Variants in TWIST2 observed in about 807,000 individuals in gnomAD.
TWIST2 encodes twist-related protein 2.
Under a neutral mutation model 11.6 loss-of-function variants are expected in TWIST2, and 1 was observed. That is an observed-to-expected ratio of 0.09 (90% CI 0.03 to 0.41). The LOEUF (loss-of-function observed/expected upper bound fraction) is 0.41, where lower values mean the gene tolerates loss of function less well. Ranked by LOEUF, TWIST2 falls within the 10% of genes least tolerant of loss-of-function variation. The pLI is 0.98. For synonymous variants in TWIST2, 87 were observed against 96.6 expected (o/e 0.90, Z 0.58); for missense variants, 168 against 226.4 (o/e 0.74, Z 1.66).
intron 1 of TWIST2, among the ~76,000 whole-genome samples, chr2:238,899,962 C>CAAAGAAAG (rs878951591): frequency 1.8e-4 from 28 of 151,688 alleles, no homozygotes; most frequent in Admixed American, 6.6e-4. Context: ...AAAGTCTTTA[C>CAAAGAAAG]AAAGAAAGAA....
Position 238,873,081 on chromosome 2 carries a change from G to A in TWIST2, c.*35+24348G>A, listed in dbSNP as rs138270361. Among the ~76,000 whole-genome samples the A allele has an allele frequency of 2.2e-4, 34 of 152,318 alleles. 1 individual carries two copies. The East Asian group carries it at 6.4e-3, about 29-fold the overall frequency. ...ACAGCCATTCATAACACTGCATGTA[G>A]CTGTTGTACAACAATGGTTAGCAAA... On this transcript the variant is annotated intron_variant, in intron 1 of 1. Coordinates refer to ENST00000612363, the MANE Select transcript of TWIST2 (RefSeq NM_001271893.4).
chr2:238,882,991 C>T (rs546658073), intron 1 of TWIST2, among the ~76,000 whole-genome samples: 1 of 152,234 alleles, frequency 6.6e-6, no homozygotes, highest in South Asian at 2.1e-4. Flanking sequence ...TTGAGGGCAG[C>T]TCTTGACATC....
At chr2:238,868,546 A>G (rs554403347) in intron 1 of TWIST2, among the ~76,000 whole-genome samples, 35 of 152,274 alleles carry the variant, frequency 2.3e-4, no homozygotes, top group South Asian at 1.0e-3. Context: ...ACATCATTCT[A>G]TGGGACCACA....
intron 1 of TWIST2, among the ~76,000 whole-genome samples, chr2:238,868,320 C>T (rs140413760): frequency 0.021 from 3,208 of 152,264 alleles, 95 homozygotes; most frequent in African/African-American, 0.073. Flanking sequence ...GTGCCGGGAG[C>T]CCCCCGCCCC....
intron 1 of TWIST2, among the ~76,000 whole-genome samples, chr2:238,879,141 T>C (rs544585118): frequency 7.2e-5 from 11 of 152,328 alleles, no homozygotes; most frequent in African/African-American, 2.6e-4. Context: ...CCTGGCTCTG[T>C]CCCCTCTGAG....
intron 1 of TWIST2, among the ~76,000 whole-genome samples, chr2:238,880,288 T>G (rs1194121464): frequency 6.7e-6 from 1 of 150,180 alleles, no homozygotes; most frequent in African/African-American, 2.5e-5. Flanking sequence ...TATTTATTAG[T>G]GTTAGTGTTA....
intron 1 of TWIST2, among the ~76,000 whole-genome samples, chr2:238,880,792 AGT>A (rs1405308731): frequency 8.1e-6 from 1 of 123,416 alleles, no homozygotes; most frequent in East Asian, 2.8e-4. Flanking sequence ...TATTAGTGTT[AGT>A]GTTAGTATTT....
intron 1 of TWIST2, among the ~76,000 whole-genome samples, chr2:238,909,289 A>G (rs1176631071): frequency 1.3e-5 from 2 of 151,414 alleles, no homozygotes; most frequent in Admixed American, 6.6e-5. Context: ...TTGTCTTTGC[A>G]ACTTCCCGTG....
At chr2:238,856,421 T>A (rs1262524920) in intron 1 of TWIST2, among the ~76,000 whole-genome samples, 1 of 152,194 alleles carries the variant, frequency 6.6e-6, no homozygotes, top group Non-Finnish European at 1.5e-5. Context: ...TTACTACAGT[T>A]CACAAGTGAA....
chr2:238,854,806 A>G (rs1460024036), intron 1 of TWIST2, among the ~76,000 whole-genome samples: 1 of 152,208 alleles, frequency 6.6e-6, no homozygotes, highest in African/African-American at 2.4e-5. Context: ...AGCACAGGCC[A>G]GTCATGTACA....
intron 1 of TWIST2, among the ~76,000 whole-genome samples, chr2:238,853,184 A>G (rs1692271550): frequency 6.6e-6 from 1 of 152,216 alleles, no homozygotes; most frequent in Non-Finnish European, 1.5e-5. Flanking sequence ...AAATTTTGGG[A>G]AATATCTACC....
chr2:238,895,286 C>T (rs1247936507), intron 1 of TWIST2, among the ~76,000 whole-genome samples: 5 of 152,352 alleles, frequency 3.3e-5, no homozygotes, highest in South Asian at 2.1e-4. Flanking sequence ...AGATTCTGCA[C>T]CCACTTGGTG....
At chr2:238,857,576 G>T (rs569029401) in intron 1 of TWIST2, among the ~76,000 whole-genome samples, 1 of 151,892 alleles carries the variant, frequency 6.6e-6, no homozygotes, top group African/African-American at 2.4e-5. Flanking sequence ...GAAGCCAAAC[G>T]ACCATCTTGT....
intron 1 of TWIST2, among the ~76,000 whole-genome samples, chr2:238,885,221 C>T (rs182995695): frequency 3.3e-5 from 5 of 151,858 alleles, no homozygotes; most frequent in East Asian, 4.0e-4. Context: ...CGCCCTGCCT[C>T]GTTTGCAGGC....
intron 1 of TWIST2, among the ~76,000 whole-genome samples, chr2:238,871,662 A>C (rs1574756255): frequency 1.4e-4 from 7 of 49,762 alleles, no homozygotes; most frequent in Non-Finnish European, 1.7e-4. Context: ...CCCCCCACAC[A>C]CACCATCACC....
chr2:238,890,673 C>T (rs149596196), intron 1 of TWIST2, among the ~76,000 whole-genome samples: 1 of 152,140 alleles, frequency 6.6e-6, no homozygotes, highest in Non-Finnish European at 1.5e-5. Flanking sequence ...AGTTTATAAA[C>T]GGGGTTTTAT....
At chr2:238,893,000 C>T (rs937066508) in intron 1 of TWIST2, among the ~76,000 whole-genome samples, 1 of 152,194 alleles carries the variant, frequency 6.6e-6, no homozygotes, top group African/African-American at 2.4e-5. Context: ...AGGCCTGTCC[C>T]TGTTGCAGAA....
At chr2:238,904,258 CATA>C (rs1409742512) in intron 1 of TWIST2, among the ~76,000 whole-genome samples, 3 of 84,206 alleles carry the variant, frequency 3.6e-5, no homozygotes, top group Non-Finnish European at 4.6e-5. Flanking sequence ...TGGGTATGTG[CATA>C]ATGTGAGGTG....
chr2:238,880,096 T>C (rs995080794), intron 1 of TWIST2, among the ~76,000 whole-genome samples: 9 of 152,208 alleles, frequency 5.9e-5, no homozygotes, highest in Non-Finnish European at 1.3e-4. Context: ...GATATTAGTG[T>C]TAGTATTTAT....
Sources: allele counts gnomAD v4.1 joint callset (sites outside exome capture counted in the v4.1 genomes callset), GRCh38; gene constraint gnomAD v4.1.1; transcripts MANE v1.5; gene names NCBI Gene and HGNC (gene_info 2026-07-23, HGNC 2026-07-21).